GPR107: variants seen among roughly 807,000 people sequenced by gnomAD.
The protein encoded by GPR107 is G protein-coupled receptor 107.
GPR107 carries 31 observed loss-of-function variants against 75.5 expected under a neutral mutation model. That is an observed-to-expected ratio of 0.41 (90% CI 0.31 to 0.55). GPR107 has a LOEUF of 0.55. GPR107 is among the 20% of genes least tolerant of loss of function. GPR107 has a pLI of 0.26. For missense variants in GPR107, 572 were observed against 665.7 expected, an observed-to-expected ratio of 0.86 and a Z score of 1.55; for synonymous variants, 267 against 251.3, an observed-to-expected ratio of 1.06 and a Z score of -0.59.
At position 130,128,732 on chromosome 9, in the gene GPR107, GGAA is replaced by G. The variant is rs897818059; in HGVS notation, c.1542_1544del (p.Glu514del). On this transcript the variant is annotated inframe_deletion, in exon 17 of 18. Transcript: ENST00000347136. ...ATAACCCCTACCTACAACTTTCTCA[GGAA>G]GAAGAAGACTTGGAAATGGAGTCCG... 1.2e-5 allele frequency: 19 copies of G among 1,613,388 alleles called. No homozygotes were observed. The African/African-American group carries it at 1.3e-4, about 11-fold the overall frequency.
chr9:130,114,194 C>A (rs1353829595), intron 14 of GPR107, among the ~76,000 whole-genome samples: 3 of 151,464 alleles, frequency 2.0e-5, no homozygotes, highest in Non-Finnish European at 4.4e-5. Context: ...CATGGTAAAA[C>A]CCTGTCTCTA....
Position 130,077,372 on chromosome 9 carries a change from G to C in GPR107, c.380G>C (p.Arg127Thr). The C allele has an allele frequency of 1.4e-6, 2 of 1,469,554 alleles. No individual in the cohort carries two copies. The highest frequency in any genetic ancestry group is 1.9e-6 in the Non-Finnish European group (2 of 1,047,892). The allele number at this position is 1,469,554 out of a possible 1,614,324, so 91.0% of individuals were successfully genotyped here. The change falls in exon 4 of 18, where the codon AGA (arginine) becomes ACA (threonine). Residue 127 changes from arginine to threonine, a missense_variant. Physicochemically the swap from Arg to Thr is moderately conservative, Grantham distance 71. Coordinates refer to ENST00000347136, the MANE Select transcript of GPR107 (RefSeq NM_020960.5). ...SVTLLILDIS[R>T]SEVRVKSPPE... ...ACCCTTTTAATCCTAGACATCTCCA[G>C]AAGTGAGTAAGTAATTCTAAAGTTC...
intron 1 of GPR107, among the ~76,000 whole-genome samples, chr9:130,054,335 C>T (rs1829677280): frequency 6.6e-6 from 1 of 152,194 alleles, no homozygotes; most frequent in Non-Finnish European, 1.5e-5. Context: ...CCCACGGACT[C>T]GGGAGGCTGC....
intron 14 of GPR107, among the ~76,000 whole-genome samples, chr9:130,122,130 AT>A (rs1198739425): frequency 6.6e-6 from 1 of 152,124 alleles, no homozygotes; most frequent in Non-Finnish European, 1.5e-5. Context: ...TGACCCCGTG[AT>A]CCACCCGCCT....
At chr9:130,083,533 C>A in intron 5 of GPR107, 32 bp from the exon 6 acceptor site, 2 of 1,437,838 alleles carry the variant, frequency 1.4e-6, no homozygotes, top group Non-Finnish European at 1.9e-6. Flanking sequence ...TTGAGTCATG[C>A]AGCACTCTCT....
At chr9:130,124,869 A>G (rs1375688656) in intron 14 of GPR107, 46 bp from the exon 15 acceptor site, 1 of 1,238,436 alleles carries the variant, frequency 8.1e-7, no homozygotes, top group South Asian at 1.4e-5. Context: ...TACTTTTAAA[A>G]ATGAGAAGTT....
At chr9:130,101,319 G>C (rs1831028069) in intron 12 of GPR107, 96 bp downstream of exon 12, 2 of 721,632 alleles carry the variant, frequency 2.8e-6, no homozygotes, top group East Asian at 2.5e-5. Context: ...ACCTCACCCT[G>C]AAACCCCAGC....
chr9:130,065,924 CT>C (rs1389900371), intron 1 of GPR107, among the ~76,000 whole-genome samples: 1 of 152,094 alleles, frequency 6.6e-6, no homozygotes, highest in Non-Finnish European at 1.5e-5. Context: ...TGCAGCCTCA[CT>C]TTACATACTG....
intron 1 of GPR107, among the ~76,000 whole-genome samples, chr9:130,060,575 G>A (rs1252239049): frequency 1.2e-4 from 18 of 151,932 alleles, no homozygotes; most frequent in Admixed American, 1.2e-3. Flanking sequence ...GCTTGCCACT[G>A]TGCTCGGCTA....
At chr9:130,095,594 C>T (rs1045207055) in intron 9 of GPR107, among the ~76,000 whole-genome samples, 1 of 152,032 alleles carries the variant, frequency 6.6e-6, no homozygotes, top group Non-Finnish European at 1.5e-5. Flanking sequence ...GGGGTTTCAC[C>T]ATGTTGGCTG....
At position 130,102,285 on chromosome 9, in the gene GPR107, C is replaced by G. The variant is rs187235632; in HGVS notation, c.1131+1062C>G. Among the ~76,000 whole-genome samples the G allele has an allele frequency of 2.4e-4, 36 of 152,330 alleles. No homozygotes were observed. In the East Asian group the frequency reaches 4.3e-3, roughly 18 times the overall value. On this transcript the variant is annotated intron_variant, in intron 12 of 17. Coordinates refer to ENST00000347136, the MANE Select transcript of GPR107 (RefSeq NM_020960.5). ...GGTCACTTCTTCAGCCAGACTGAGT[C>G]CTACAGCCTGCCGAGGTCTCGGAGT...
At chr9:130,121,313 C>T (rs528823164) in intron 14 of GPR107, among the ~76,000 whole-genome samples, 2 of 152,268 alleles carry the variant, frequency 1.3e-5, no homozygotes, top group South Asian at 2.1e-4. Flanking sequence ...CTAACACTAA[C>T]GATAGCTGAT....
intron 7 of GPR107, among the ~76,000 whole-genome samples, chr9:130,089,704 GA>G (rs1589503449): frequency 1.3e-5 from 2 of 152,080 alleles, no homozygotes; most frequent in Non-Finnish European, 2.9e-5. Flanking sequence ...TTTTAAAATA[GA>G]AGTTGTCCAT....
rs1358076646 is a variant in GPR107, at chr9:130,062,644, GCCTGCCTGCCTGCCTGCCTT to G, written c.141+8575_141+8594del. On this transcript the variant is annotated intron_variant, in intron 1 of 17. Transcript: ENST00000347136. ...TGCCTTCCTGCCTTCCTGCCTGCCT[GCCTGCCTGCCTGCCTGCCTT>G]CCTTCCTTCCTTCCTTCCTTCCTTC... Among the ~76,000 whole-genome samples, 297 of 70,940 alleles carry G rather than the reference GCCTGCCTGCCTGCCTGCCTT, an allele frequency of 4.2e-3. 3 individuals carry two copies. Among genetic ancestry groups the G allele is most frequent in the East Asian group, 0.021 (33 of 1,576 alleles). The allele number at this position is 70,940 out of a possible 152,430, so 46.5% of individuals were successfully genotyped here. A position where few individuals can be genotyped will look rare whatever the true frequency, so the allele number is the denominator to read the frequency against.
chr9:130,129,887 C>T (rs1831778230), intron 17 of GPR107: 1 of 152,306 alleles, frequency 6.6e-6, no homozygotes. Flanking sequence ...GCAGCATCGT[C>T]TCCTTTACTG....
chr9:130,131,298 T>C (rs879971198), intron 17 of GPR107, among the ~76,000 whole-genome samples: 1 of 152,100 alleles, frequency 6.6e-6, no homozygotes, highest in African/African-American at 2.4e-5. Context: ...CCTCACATCG[T>C]GGGGGCCCCA....
chr9:130,134,380 C>T (rs531955474), intron 17 of GPR107, among the ~76,000 whole-genome samples: 1 of 152,368 alleles, frequency 6.6e-6, no homozygotes, highest in South Asian at 2.1e-4. Context: ...CAACGAATGG[C>T]TCCATGGGGC....
chr9:130,100,280 A>G (rs373645977), intron 10 of GPR107, among the ~76,000 whole-genome samples: 28 of 152,290 alleles, frequency 1.8e-4, no homozygotes, highest in African/African-American at 6.5e-4. Context: ...TTTATCTGAG[A>G]GAAAATTGAT....
At chr9:130,067,731 G>T (rs1323063736) in intron 1 of GPR107, among the ~76,000 whole-genome samples, 2 of 138,276 alleles carry the variant, frequency 1.4e-5, no homozygotes, top group South Asian at 2.3e-4. Flanking sequence ...CTAATGACTG[G>T]TAGTCCCCCC....
Sources: allele counts gnomAD v4.1 joint callset (sites outside exome capture counted in the v4.1 genomes callset), GRCh38; gene constraint gnomAD v4.1.1; transcripts MANE v1.5; gene names NCBI Gene and HGNC (gene_info 2026-07-23, HGNC 2026-07-21).